The following CDKN2B-AS1 variants were observed in gnomAD, a reference collection of about 807,000 sequenced individuals.
The protein encoded by CDKN2B-AS1 is CDKN2B antisense RNA 1 (non-protein coding).
intron 4 of CDKN2B-AS1, among the ~76,000 whole-genome samples, chr9:22,072,981 G>T (rs1359596247): frequency 6.6e-6 from 1 of 152,146 alleles, no homozygotes; most frequent in Non-Finnish European, 1.5e-5. Flanking sequence ...GAGTGTGAAA[G>T]TTCATGCTAT....
At chr9:22,049,324 A>C (rs901096524) in intron 3 of CDKN2B-AS1, 1 of 152,220 alleles carries the variant, frequency 6.6e-6, no homozygotes, top group Admixed American at 6.5e-5. Context: ...GTTTTAGTCT[A>C]AGTGGAATGG....
chr9:22,102,418 T>C (rs1322797057), intron 4 of CDKN2B-AS1, among the ~76,000 whole-genome samples: 1 of 152,172 alleles, frequency 6.6e-6, no homozygotes, highest in African/African-American at 2.4e-5. Flanking sequence ...CAGAAATGTA[T>C]TTACAGTTTG....
rs1821133529 is a variant in CDKN2B-AS1, at chr9:22,005,595, A to ACC, written n.29+10435_29+10436insCC. 2 of 427,736 alleles carry ACC rather than the reference A, an allele frequency of 4.7e-6. No individual in the cohort carries two copies. The highest frequency in any genetic ancestry group is 8.3e-5 in the East Asian group (2 of 24,100). The allele number at this position is 427,736 out of a possible 1,614,324, so 26.5% of individuals were successfully genotyped here. A position where few individuals can be genotyped will look rare whatever the true frequency, so the allele number is the denominator to read the frequency against. On this transcript the variant is annotated intron_variant and non_coding_transcript_variant, in intron 1 of 4. Coordinates refer to ENST00000650946, the Ensembl canonical transcript of CDKN2B-AS1. The surrounding 1 kb of genome is among the most constrained non-coding windows in gnomAD (Gnocchi z 4.9). ...GACTGCCGTCACCCAAGTGCTAATC[A>ACC]CTGCCTTCTCCCACTCAGCGCTGGA...
At chr9:22,002,211 A>T (rs560170055) in intron 1 of CDKN2B-AS1, among the ~76,000 whole-genome samples, 3 of 152,080 alleles carry the variant, frequency 2.0e-5, no homozygotes, top group Non-Finnish European at 4.4e-5. Context: ...GACATAAAAC[A>T]TGAGGGCAGA....
At chr9:22,121,793 T>C (rs370286107) in intron 4 of CDKN2B-AS1, among the ~76,000 whole-genome samples, 115 of 152,280 alleles carry the variant, frequency 7.6e-4, no homozygotes, top group Middle Eastern at 3.4e-3. Context: ...GTCCATTCCT[T>C]TGTTTTTGGA....
intron 4 of CDKN2B-AS1, among the ~76,000 whole-genome samples, chr9:22,093,884 C>G (rs1228179169): frequency 6.9e-6 from 1 of 144,338 alleles, no homozygotes; most frequent in Non-Finnish European, 1.5e-5. Context: ...TTATTTTGCT[C>G]ATTAGTTGAT....
intron 4 of CDKN2B-AS1, among the ~76,000 whole-genome samples, chr9:22,096,677 C>G (rs1322471551): frequency 6.6e-6 from 1 of 152,172 alleles, no homozygotes; most frequent in East Asian, 1.9e-4. Context: ...CAATTTTTCA[C>G]CATGACCCTG....
intron 1 of CDKN2B-AS1, chr9:22,009,170 A>T (rs1300325892): frequency 1.5e-6 from 1 of 665,506 alleles, no homozygotes; most frequent in Non-Finnish European, 2.6e-6. Context: ...CCTGGCGCTC[A>T]AGAACCAGCG....
At chr9:22,045,218 A>T (rs1823060287) in intron 1 of CDKN2B-AS1, among the ~76,000 whole-genome samples, 2 of 152,034 alleles carry the variant, frequency 1.3e-5, no homozygotes, top group Non-Finnish European at 2.9e-5. Flanking sequence ...TTGTATTCTA[A>T]CATAGAATAG....
chr9:22,091,424 G>A (rs1345108352), intron 4 of CDKN2B-AS1, among the ~76,000 whole-genome samples: 1 of 152,132 alleles, frequency 6.6e-6, no homozygotes, highest in Non-Finnish European at 1.5e-5. Context: ...GGGCAGTATG[G>A]CCATTTTCAT....
intron 4 of CDKN2B-AS1, among the ~76,000 whole-genome samples, chr9:22,075,364 G>A (rs1288095711): frequency 6.6e-6 from 1 of 152,092 alleles, no homozygotes; most frequent in Non-Finnish European, 1.5e-5. Flanking sequence ...CTTAAAGAGT[G>A]GTGATGAATA....
intron 1 of CDKN2B-AS1, among the ~76,000 whole-genome samples, chr9:22,018,419 A>C (rs1821874425): frequency 6.6e-6 from 1 of 151,980 alleles, no homozygotes; most frequent in Non-Finnish European, 1.5e-5. Flanking sequence ...GCACTTTGGG[A>C]GGCCGAGGCG....
chr9:22,069,734 C>A (rs1277197541), intron 4 of CDKN2B-AS1, among the ~76,000 whole-genome samples: 1 of 152,290 alleles, frequency 6.6e-6, no homozygotes, highest in Non-Finnish European at 1.5e-5. Context: ...CATAGTCACT[C>A]TACTGTGCAA....
At chr9:22,115,821 C>A (rs943398023) in intron 4 of CDKN2B-AS1, among the ~76,000 whole-genome samples, 5 of 151,960 alleles carry the variant, frequency 3.3e-5, no homozygotes, top group Non-Finnish European at 5.9e-5. Flanking sequence ...GGGAAATTTT[C>A]TTTTATATTA....
rs1820884128 is a variant in CDKN2B-AS1 at position 22,000,761 on chromosome 9, CAA to C, written n.29+5602_29+5603del. ...AAATATATTCTAAAATATATAATAA[CAA>C]ACAATAACAGTACTTGCAGCTTAAT... On this transcript the variant is annotated intron_variant and non_coding_transcript_variant, in intron 1 of 4. Coordinates refer to ENST00000650946, the Ensembl canonical transcript of CDKN2B-AS1. This position sits in a 1 kb window ranked among gnomAD's most constrained non-coding sequence, Gnocchi z 4.1. Among the ~76,000 whole-genome samples the C allele has an allele frequency of 6.6e-6, 1 of 151,992 alleles. No homozygotes were observed. Among genetic ancestry groups the C allele is most frequent in the Admixed American group, 6.6e-5 (1 of 15,250 alleles).
intron 1 of CDKN2B-AS1, among the ~76,000 whole-genome samples, chr9:22,026,932 A>G (rs1822263902): frequency 1.3e-5 from 2 of 151,992 alleles, no homozygotes; most frequent in South Asian, 4.1e-4. Flanking sequence ...TTCACTTACC[A>G]CTTCCCTGGG....
At chr9:22,123,605 A>G (rs1475866435) in intron 4 of CDKN2B-AS1, among the ~76,000 whole-genome samples, 5 of 151,506 alleles carry the variant, frequency 3.3e-5, no homozygotes, top group Non-Finnish European at 5.9e-5. Context: ...AGGATGGCCA[A>G]TGATCCAGAA....
intron 4 of CDKN2B-AS1, chr9:22,096,382 T>A (rs1218200285): frequency 6.6e-6 from 1 of 152,180 alleles, no homozygotes; most frequent in Non-Finnish European, 1.5e-5. Context: ...GTACCAGAGA[T>A]ATAATAATGA....
intron 4 of CDKN2B-AS1, among the ~76,000 whole-genome samples, chr9:22,098,275 A>G (rs988236276): frequency 3.3e-5 from 5 of 151,436 alleles, no homozygotes; most frequent in African/African-American, 1.2e-4. Flanking sequence ...TTTATAGTAA[A>G]TATATCACAT....
Sources: gnomAD v4.1 joint callset for allele counts (sites outside exome capture counted in the v4.1 genomes callset) on GRCh38, gnomAD v4.1.1 for gene constraint, Gnocchi (gnomAD v3.1) non-coding constraint, MANE v1.5 for transcripts, NCBI Gene and HGNC (gene_info 2026-07-23, HGNC 2026-07-21) for gene names.